The following DLGAP2 variants were observed in gnomAD, a reference collection of about 807,000 sequenced individuals.
The protein encoded by DLGAP2 is disks large-associated protein 2.
Under a neutral mutation model 100.3 loss-of-function variants are expected in DLGAP2, and 26 were observed. The observed-to-expected ratio is 0.26, with a 90% CI of 0.19 to 0.36. The LOEUF (loss-of-function observed/expected upper bound fraction) is 0.36. Ranked by LOEUF, DLGAP2 falls within the 10% of genes least tolerant of loss-of-function variation. The pLI is 1.00. For missense variants in DLGAP2, 1,858 were observed against 1,453.2 expected (o/e 1.28, Z -4.53); for synonymous variants, 886 against 630.1 (o/e 1.41, Z -6.08).
At chr8:1,592,682 A>T (rs533465919) in intron 6 of DLGAP2, among the ~76,000 whole-genome samples, 1 of 152,290 alleles carries the variant, frequency 6.6e-6, no homozygotes, top group South Asian at 2.1e-4. Context: ...CTGTAGTTCC[A>T]TTTAATGCAG....
intron 2 of DLGAP2, among the ~76,000 whole-genome samples, chr8:908,300 T>C (rs1315410405): frequency 6.6e-6 from 1 of 152,222 alleles, no homozygotes; most frequent in Non-Finnish European, 1.5e-5. Context: ...ATTATACTTA[T>C]TTACTAAAGA....
chr8:1,444,433 C>T (rs919015740), intron 3 of DLGAP2, among the ~76,000 whole-genome samples: 2 of 152,176 alleles, frequency 1.3e-5, no homozygotes, highest in Admixed American at 6.5e-5. Context: ...ACAATATTTC[C>T]ATATTTAAGG....
intron 5 of DLGAP2, among the ~76,000 whole-genome samples, chr8:1,564,997 T>C (rs1802339617): frequency 6.6e-6 from 1 of 152,242 alleles, no homozygotes; most frequent in African/African-American, 2.4e-5. Context: ...ACATATAACA[T>C]GCATGGGTGC....
intron 4 of DLGAP2, among the ~76,000 whole-genome samples, chr8:1,501,660 A>T (rs1445243427): frequency 6.6e-6 from 1 of 152,264 alleles, no homozygotes; most frequent in Non-Finnish European, 1.5e-5. Flanking sequence ...GAACTGAGGC[A>T]GCCGTTCACA....
chr8:1,007,636 G>A (rs149961068), intron 2 of DLGAP2, among the ~76,000 whole-genome samples: 1 of 137,346 alleles, frequency 7.3e-6, no homozygotes, highest in Non-Finnish European at 1.6e-5. Flanking sequence ...TTTTTTTTTT[G>A]GGGGGGGGAT....
At chr8:927,092 G>A in intron 2 of DLGAP2, 3 of 985,440 alleles carry the variant, frequency 3.0e-6, no homozygotes, top group Non-Finnish European at 3.6e-6. Context: ...GGCCCCAGTG[G>A]CCGGGATGGT....
At chr8:1,694,428 C>G (rs1799328110) in intron 13 of DLGAP2, among the ~76,000 whole-genome samples, 1 of 152,198 alleles carries the variant, frequency 6.6e-6, no homozygotes, top group African/African-American at 2.4e-5. Flanking sequence ...GAGGACTGAC[C>G]ACAGGGAGCG....
rs1242272164 is a variant in DLGAP2, at chr8:1,668,650, A to C, written c.2132A>C (p.Lys711Thr). 1 of 1,578,868 alleles carries C rather than the reference A, an allele frequency of 6.3e-7. No individual in the cohort carries two copies. The highest frequency in any genetic ancestry group is 1.8e-5 in the Admixed American group (1 of 55,702). Reference sequence around the variant, plus strand: ...GTGTCCAAGGCGGAGGAGCTCCTCAAGAGCCGCTGCTCCTCCATCGGGATT... The same window carrying C: ...GTGTCCAAGGCGGAGGAGCTCCTCACGAGCCGCTGCTCCTCCATCGGGATT... ...ILVSKAEELL[K>T]SRCSSIGIQD... Residue 711 changes from lysine to threonine, a missense_variant, in exon 9 of 15, where the codon AAG becomes ACG. Physicochemically the swap from Lys to Thr is moderately conservative, Grantham distance 78. Coordinates refer to ENST00000637795, the MANE Select transcript of DLGAP2 (RefSeq NM_001346810.2).
At chr8:1,008,722 C>T (rs1430894676) in intron 2 of DLGAP2, among the ~76,000 whole-genome samples, 2 of 152,206 alleles carry the variant, frequency 1.3e-5, no homozygotes, top group African/African-American at 4.8e-5. Context: ...CATGCCAGGG[C>T]CGGTTCCCCG....
intron 3 of DLGAP2, among the ~76,000 whole-genome samples, chr8:1,469,267 C>G (rs1798714006): frequency 6.6e-6 from 1 of 152,228 alleles, no homozygotes; most frequent in Non-Finnish European, 1.5e-5. Context: ...GTGACAGCAG[C>G]CACCCTGGCT....
intron 4 of DLGAP2, among the ~76,000 whole-genome samples, chr8:1,504,144 C>T (rs79416434): frequency 0.035 from 5,283 of 151,326 alleles, 210 homozygotes; most frequent in African/African-American, 0.089. Context: ...CCAGGCCCCA[C>T]CTGATGTATT....
At chr8:973,757 A>T (rs914137838) in intron 2 of DLGAP2, among the ~76,000 whole-genome samples, 28 of 152,152 alleles carry the variant, frequency 1.8e-4, no homozygotes, top group Non-Finnish European at 3.5e-4. Flanking sequence ...AGGGAAGGCA[A>T]ATATACGCGC....
At chr8:1,123,822 C>A (rs543782643) in intron 2 of DLGAP2, among the ~76,000 whole-genome samples, 1 of 152,180 alleles carries the variant, frequency 6.6e-6, no homozygotes, top group East Asian at 1.9e-4. Context: ...TTAATAATGT[C>A]AAGGATTAAC....
At chr8:1,408,129 CTGG>C (rs1554461131) in intron 3 of DLGAP2, among the ~76,000 whole-genome samples, 1 of 152,240 alleles carries the variant, frequency 6.6e-6, no homozygotes, top group Non-Finnish European at 1.5e-5. Context: ...CAAGGCAAGC[CTGG>C]TCTCTGGCTC....
intron 1 of DLGAP2, among the ~76,000 whole-genome samples, chr8:746,408 T>A (rs1441266168): frequency 1.3e-5 from 2 of 152,206 alleles, no homozygotes; most frequent in Admixed American, 1.3e-4. Context: ...AGGGGTCAGA[T>A]GGCGCATTGG....
intron 6 of DLGAP2, among the ~76,000 whole-genome samples, chr8:1,582,476 A>G (rs1563235877): frequency 6.6e-6 from 1 of 152,124 alleles, no homozygotes; most frequent in Non-Finnish European, 1.5e-5. Flanking sequence ...AATGAGAGAA[A>G]ATATCTTTCA....
chr8:1,223,925 T>A (rs900848088), intron 2 of DLGAP2, among the ~76,000 whole-genome samples: 2 of 152,242 alleles, frequency 1.3e-5, no homozygotes, highest in Non-Finnish European at 2.9e-5. Flanking sequence ...ACATACTCCT[T>A]GTTGTTAAAA....
intron 13 of DLGAP2, 90 bp downstream of exon 13, chr8:1,691,716 G>T: frequency 8.7e-7 from 1 of 1,149,110 alleles, no homozygotes; most frequent in South Asian, 1.3e-5. Flanking sequence ...CCTTGTCAAA[G>T]AGTTCCCATC....
At chr8:848,905 T>C (rs1484847182) in intron 1 of DLGAP2, among the ~76,000 whole-genome samples, 1 of 150,540 alleles carries the variant, frequency 6.6e-6, no homozygotes, top group Non-Finnish European at 1.5e-5. Context: ...GCGGTGCCTG[T>C]TCCAGCATAG....
Sources: allele counts gnomAD v4.1 joint callset (sites outside exome capture counted in the v4.1 genomes callset), GRCh38; gene constraint gnomAD v4.1.1; transcripts MANE v1.5; gene names NCBI Gene and HGNC (gene_info 2026-07-23, HGNC 2026-07-21).